The following LATS2 variants were observed in gnomAD, a reference collection of about 807,000 sequenced individuals.
LATS2 encodes large tumor suppressor kinase 2, also known as serine/threonine-protein kinase LATS2.
LATS2 carries 24 observed loss-of-function variants against 76.0 expected under a neutral mutation model. The ratio of observed to expected loss-of-function variants is 0.32; its 90% confidence interval spans 0.23 to 0.44. LATS2 has a LOEUF of 0.44. Ranked by LOEUF, LATS2 falls within the 20% of genes least tolerant of loss-of-function variation. The pLI is 1.00. For missense variants in LATS2, 1,286 were observed against 1,481.2 expected, an observed-to-expected ratio of 0.87 and a Z score of 2.16; for synonymous variants, 692 against 635.4, an observed-to-expected ratio of 1.09 and a Z score of -1.34.
chr13:21,044,696 GTGTGTGTGTGT>G lies in LATS2; in HGVS notation c.342+978_342+988del, dbSNP rs1437999002. Among the ~76,000 whole-genome samples, 8 of 10,952 alleles carry G rather than the reference GTGTGTGTGTGT, an allele frequency of 7.3e-4. No individual in the cohort carries two copies. The Admixed American group carries it at 9.6e-3, about 13-fold the overall frequency. The allele number at this position is 10,952 out of a possible 152,430, so 7.2% of individuals were successfully genotyped here. A position where few individuals can be genotyped will look rare whatever the true frequency, so the allele number is the denominator to read the frequency against. ...ATGGCTATGAGGTGTAGGGGTGTGT[GTGTGTGTGTGT>G]GTGTGTGTGTGTGTGTGTGTGTGTG... On this transcript the variant is annotated intron_variant, in intron 2 of 7. Coordinates refer to ENST00000382592, the MANE Select transcript of LATS2 (RefSeq NM_014572.3).
Position 20,988,491 on chromosome 13 carries a change from T to C in LATS2, c.1289A>G (p.Asn430Ser), listed in dbSNP as rs778936935. 7.9e-5 allele frequency: 122 copies of C among 1,549,476 alleles called. No homozygotes were observed. The highest frequency in any genetic ancestry group is 8.7e-6 in the Non-Finnish European group (10 of 1,155,540). ...CGCGGCCGTGACAGCCGTCACGGTGTTGGGGGCGGGCAGGGAGGGCTCGGC... is the reference window on the plus strand; with the variant it reads ...CGCGGCCGTGACAGCCGTCACGGTGCTGGGGGCGGGCAGGGAGGGCTCGGC... ...GKAEPSLPAP[N>S]TVTAVTAAHI... The change falls in exon 4 of 8, where the codon AAC (asparagine) becomes AGC (serine). Residue 430 changes from asparagine (N) to serine (S), a missense_variant. Transcript: ENST00000382592.
chr13:20,995,048 T>C (rs1870690190), intron 2 of LATS2, among the ~76,000 whole-genome samples: 1 of 152,084 alleles, frequency 6.6e-6, no homozygotes, highest in South Asian at 2.1e-4. Flanking sequence ...TGTGTAACTT[T>C]CAGCAAATCA....
chr13:20,973,114 A>G lies in LATS2; in HGVS notation c.*1756T>C, dbSNP rs1869413100. 1 of 230,978 alleles carries G rather than the reference A, an allele frequency of 4.3e-6. No individual in the cohort carries two copies. The highest frequency in any genetic ancestry group is 8.6e-6 in the Non-Finnish European group (1 of 116,576). The allele number at this position is 230,978 out of a possible 1,614,324, so 14.3% of individuals were successfully genotyped here. A position where few individuals can be genotyped will look rare whatever the true frequency, so the allele number is the denominator to read the frequency against. On this transcript the variant is annotated 3_prime_UTR_variant, in exon 8 of 8. Coordinates refer to ENST00000382592, the MANE Select transcript of LATS2 (RefSeq NM_014572.3). ...AATGATATATCAATAAATAATAGTT[A>G]AACTGAGTTCCTGAGAAAGAACCTA...
chr13:20,988,882 C>T lies in LATS2; in HGVS notation c.898G>A (p.Ala300Thr). The T allele has an allele frequency of 6.4e-7, 1 of 1,553,720 alleles. No homozygotes were observed. Among genetic ancestry groups the T allele is most frequent in the Non-Finnish European group, 8.6e-7 (1 of 1,156,642 alleles). The change falls in exon 4 of 8, where the codon GCC becomes ACC. Residue 300 changes from alanine to threonine, a missense_variant. Ala to Thr is a moderately conservative substitution (Grantham distance 58). Coordinates refer to ENST00000382592, the MANE Select transcript of LATS2 (RefSeq NM_014572.3). ...GCAGGGGGTGGGAAAGCGAGGCCGG[C>T]GCCTGGCGGTCCTCCCTGGCCCTTC... ...PTKGQGGPPG[A>T]GLAFPPPAAG...
At chr13:21,055,228 C>A (rs980820700) in intron 1 of LATS2, among the ~76,000 whole-genome samples, 2 of 152,164 alleles carry the variant, frequency 1.3e-5, no homozygotes, top group Non-Finnish European at 2.9e-5. Context: ...ATTACTATAC[C>A]ATTTTAATGA....
intron 7 of LATS2, among the ~76,000 whole-genome samples, chr13:20,978,346 C>T (rs1869721128): frequency 6.6e-6 from 1 of 152,120 alleles, no homozygotes; most frequent in South Asian, 2.1e-4. Context: ...GGTATGTCCA[C>T]AGAAGACTGC....
intron 2 of LATS2, among the ~76,000 whole-genome samples, chr13:21,044,100 T>C (rs1210561448): frequency 6.6e-6 from 1 of 152,234 alleles, no homozygotes; most frequent in Non-Finnish European, 1.5e-5. Context: ...CTGCACCACA[T>C]TACTCACAAC....
rs1184099695 is a variant in LATS2, at chr13:20,991,946, CGTA to C, written c.343-545_343-543del. On this transcript the variant is annotated intron_variant, in intron 2 of 7. Coordinates refer to ENST00000382592, the MANE Select transcript of LATS2 (RefSeq NM_014572.3). This position sits in a 1 kb window ranked among gnomAD's most constrained non-coding sequence, Gnocchi z 4.9. ...AGGACTGGCCCTTAGAGATCTGACTCGTAGAAGAAAGAAAGGAGACAAAACAGG... is the reference window on the plus strand; with the variant it reads ...AGGACTGGCCCTTAGAGATCTGACTCGAAGAAAGAAAGGAGACAAAACAGG... Among the ~76,000 whole-genome samples the C allele has an allele frequency of 7.2e-5, 11 of 152,206 alleles. No homozygotes were observed. The highest frequency in any genetic ancestry group is 2.0e-4 in the Admixed American group (3 of 15,292).
chr13:21,051,073 C>T (rs1185837934), intron 1 of LATS2, among the ~76,000 whole-genome samples: 2 of 152,206 alleles, frequency 1.3e-5, no homozygotes, highest in Admixed American at 1.3e-4. Flanking sequence ...AGATGTGTGA[C>T]GCATACGCCG....
intron 1 of LATS2, among the ~76,000 whole-genome samples, chr13:21,054,365 T>G (rs1266156807): frequency 6.6e-6 from 1 of 151,888 alleles, no homozygotes; most frequent in African/African-American, 2.4e-5. Flanking sequence ...CCGAGGTCAT[T>G]CCACTGCACT....
intron 2 of LATS2, among the ~76,000 whole-genome samples, chr13:20,998,652 C>T (rs1422308370): frequency 6.6e-6 from 1 of 152,226 alleles, no homozygotes; most frequent in Admixed American, 6.5e-5. Context: ...CCCAGGCCTC[C>T]TCTAACCGCC....
intron 2 of LATS2, among the ~76,000 whole-genome samples, chr13:20,999,345 G>T (rs527716154): frequency 6.6e-6 from 1 of 152,210 alleles, no homozygotes; most frequent in Non-Finnish European, 1.5e-5. Context: ...CAAACCATAC[G>T]TCTTTTTGAA....
chr13:21,019,219 T>C (rs769397012), intron 2 of LATS2, among the ~76,000 whole-genome samples: 2 of 152,198 alleles, frequency 1.3e-5, no homozygotes, highest in South Asian at 2.1e-4. Flanking sequence ...TTAGCTATTA[T>C]ATAGTCACAA....
In LATS2 at chr13:20,988,802, G is replaced by T; in HGVS notation, c.978C>A (p.His326Gln). ...TGCGGGAGCCCAGCACATGCAGCTG[G>T]TGGGCCGCGGGACCGGCCTGCTTGT... ...PHHKQAGPAA[H>Q]QLHVLGSRSQ... The change falls in exon 4 of 8, where the codon CAC (histidine) becomes CAA (glutamine). Residue 326 changes from histidine (H) to glutamine (Q), a missense_variant. Coordinates refer to ENST00000382592, the MANE Select transcript of LATS2 (RefSeq NM_014572.3). 1.3e-6 allele frequency: 2 copies of T among 1,595,574 alleles called. No homozygotes were observed. Among genetic ancestry groups the T allele is most frequent in the Non-Finnish European group, 1.7e-6 (2 of 1,176,830 alleles).
chr13:21,007,577 A>AGTG lies in LATS2; in HGVS notation c.343-16174_343-16173insCAC, dbSNP rs375364724. 3.1e-4 allele frequency among the ~76,000 whole-genome samples: 6 copies of AGTG among 19,584 alleles called. 1 individual carries two copies. Among genetic ancestry groups the AGTG allele is most frequent in the African/African-American group, 2.4e-3 (6 of 2,466 alleles). The allele number at this position is 19,584 out of a possible 152,430, so 12.8% of individuals were successfully genotyped here. The stretch of plus-strand genomic sequence containing the variant: ...TATATATATATATATATATATATAT[A>AGTG]TATATATATAGTATATATATATATA... On this transcript the variant is annotated intron_variant, in intron 2 of 7. Transcript: ENST00000382592.
Position 20,979,768 on chromosome 13 carries a change from C to T in LATS2, c.2695G>A (p.Val899Ile). 1 of 1,611,808 alleles carries T rather than the reference C, an allele frequency of 6.2e-7. No individual in the cohort carries two copies. The highest frequency in any genetic ancestry group is 8.5e-7 in the Non-Finnish European group (1 of 1,178,218). Residue 899 changes from valine (V) to isoleucine (I), a missense_variant, in exon 7 of 8, where the codon GTT becomes ATT. This residue lies in a region of LATS2 where 247 missense variants were observed against 385.4 expected (regional missense o/e 0.64). Coordinates refer to ENST00000382592, the MANE Select transcript of LATS2 (RefSeq NM_014572.3). Reference protein sequence around the residue: ...GYTQLCDWWSVGVILFEMLVG... With the variant: ...GYTQLCDWWSIGVILFEMLVG... ...AGCATCTCGAAGAGAATCACTCCAA[C>T]ACTCCACCAGTCACAGAGTTGAGTG...
In LATS2 at chr13:21,007,531, G is replaced by GAT. The variant is rs142095268; in HGVS notation, c.343-16129_343-16128dup. ...AAGGAGTAGTTAGTCGTAGGGGATG[G>GAT]ATATATATATATAGTATATATATAT... is the stretch of plus-strand genomic sequence containing the variant. On this transcript the variant is annotated intron_variant, in intron 2 of 7. Transcript: ENST00000382592. 5.2e-4 allele frequency among the ~76,000 whole-genome samples: 8 copies of GAT among 15,486 alleles called. 1 individual carries two copies. The highest frequency in any genetic ancestry group is 1.3e-3 in the African/African-American group (3 of 2,330). 10.2% of individuals were successfully genotyped at this position (15,486 alleles called of 152,430 possible).
intron 2 of LATS2, among the ~76,000 whole-genome samples, chr13:20,999,059 C>T (rs533751950): frequency 6.6e-6 from 1 of 152,258 alleles, no homozygotes; most frequent in Admixed American, 6.5e-5. Context: ...ACCTTGTCCA[C>T]GCGAGGCAGG....
In LATS2 at chr13:21,055,192, C is replaced by T. The variant is rs563051772; in HGVS notation, c.-205+6154G>A. Among the ~76,000 whole-genome samples the T allele has an allele frequency of 2.4e-4, 37 of 152,286 alleles. 1 individual carries two copies. The highest frequency in any genetic ancestry group is 2.1e-3 in the South Asian group (10 of 4,826). On this transcript the variant is annotated intron_variant, in intron 1 of 7. Transcript: ENST00000382592. ...TGAGAATACTCATCAGTCAAGACTGCAGCTGGAAATGAACAACTCTGACAT... is the reference window on the plus strand; with the variant it reads ...TGAGAATACTCATCAGTCAAGACTGTAGCTGGAAATGAACAACTCTGACAT...
Sources: allele counts gnomAD v4.1 joint callset (sites outside exome capture counted in the v4.1 genomes callset), GRCh38; gene constraint gnomAD v4.1.1; regional missense constraint gnomAD v4.1.1; non-coding constraint Gnocchi (gnomAD v3.1); transcripts MANE v1.5; gene names NCBI Gene and HGNC (gene_info 2026-07-23, HGNC 2026-07-21).